FAM227B: variants seen among roughly 807,000 people sequenced by gnomAD.
FAM227B encodes the protein family with sequence similarity 227 member B, also known as protein FAM227B.
Under a neutral mutation model 73.8 loss-of-function variants are expected in FAM227B, and 88 were observed. The observed-to-expected ratio is 1.19, with a 90% CI of 1.00 to 1.42. FAM227B has a LOEUF of 1.42. Ranked by LOEUF, FAM227B falls within the 40% of genes most tolerant of loss-of-function variation. FAM227B has a pLI of 0.00. For synonymous variants in FAM227B, 210 were observed against 190.5 expected, an observed-to-expected ratio of 1.10 and a Z score of -0.84; for missense variants, 632 against 590.9, an observed-to-expected ratio of 1.07 and a Z score of -0.72.
chr15:49,474,588 T>A (rs7166049), intron 11 of FAM227B, among the ~76,000 whole-genome samples: 51,036 of 151,876 alleles, frequency 0.34, 9,545 homozygotes, highest in African/African-American at 0.49. Flanking sequence ...ATGTTGAAAA[T>A]ACTAGATAGC....
intron 2 of FAM227B, among the ~76,000 whole-genome samples, chr15:49,611,600 T>G (rs1376866016): frequency 6.6e-6 from 1 of 152,190 alleles, no homozygotes; most frequent in Non-Finnish European, 1.5e-5. Context: ...ATAGCCTCTA[T>G]AATAAATCCA....
chr15:49,548,165 G>A (rs1384632943), intron 9 of FAM227B, among the ~76,000 whole-genome samples: 1 of 151,888 alleles, frequency 6.6e-6, no homozygotes, highest in Non-Finnish European at 1.5e-5. Flanking sequence ...TGTTATACAT[G>A]GTTTTTACTA....
intron 1 of FAM227B, among the ~76,000 whole-genome samples, chr15:49,615,718 T>C (rs1451352754): frequency 6.6e-6 from 1 of 152,188 alleles, no homozygotes; most frequent in Non-Finnish European, 1.5e-5. Context: ...TTTATAGCAA[T>C]GTGAGAACGG....
intron 11 of FAM227B, among the ~76,000 whole-genome samples, chr15:49,442,915 C>T (rs9920722): frequency 0.61 from 93,146 of 151,462 alleles, 28,871 homozygotes; most frequent in East Asian, 0.76. Flanking sequence ...GAAAAAGAGA[C>T]TGGAAGTGGG....
At chr15:49,359,828 TG>T (rs980214760) in intron 13 of FAM227B, among the ~76,000 whole-genome samples, 29 of 138,604 alleles carry the variant, frequency 2.1e-4, no homozygotes, top group African/African-American at 7.9e-4. Flanking sequence ...AGCAAAGACT[TG>T]GAACCAACCC....
chr15:49,398,258 T>C (rs1596882948), intron 11 of FAM227B, among the ~76,000 whole-genome samples: 1 of 151,846 alleles, frequency 6.6e-6, no homozygotes, highest in Admixed American at 6.6e-5. Context: ...AGAAGGCCAT[T>C]ACATAATGGT....
chr15:49,401,975 C>A (rs2048188904), intron 11 of FAM227B, among the ~76,000 whole-genome samples: 1 of 150,726 alleles, frequency 6.6e-6, no homozygotes, highest in African/African-American at 2.4e-5. Context: ...ACAATGTGCA[C>A]ATGTACCCTA....
At chr15:49,414,669 T>C (rs1005301739) in intron 11 of FAM227B, among the ~76,000 whole-genome samples, 1 of 151,912 alleles carries the variant, frequency 6.6e-6, no homozygotes, top group African/African-American at 2.4e-5. Context: ...AAGAGGTGGA[T>C]TAGGAATAGA....
At chr15:49,610,419 G>GAAA (rs1567700132) in intron 3 of FAM227B, among the ~76,000 whole-genome samples, 4 of 33,962 alleles carry the variant, frequency 1.2e-4, no homozygotes, top group East Asian at 8.4e-4. Flanking sequence ...AACATTGAAA[G>GAAA]TAAAAAAAAA....
intron 2 of FAM227B, among the ~76,000 whole-genome samples, chr15:49,613,485 A>G (rs1211887649): frequency 6.6e-6 from 1 of 152,218 alleles, no homozygotes; most frequent in African/African-American, 2.4e-5. Flanking sequence ...TGGGTGACAG[A>G]GCGAGACTCT....
chr15:49,441,397 A>G (rs1328707142), intron 11 of FAM227B, among the ~76,000 whole-genome samples: 1 of 151,780 alleles, frequency 6.6e-6, no homozygotes, highest in East Asian at 1.9e-4. Context: ...AATAAAACTA[A>G]TATCAACACA....
intron 11 of FAM227B, among the ~76,000 whole-genome samples, chr15:49,473,963 T>C (rs1034086430): frequency 2.6e-5 from 4 of 152,136 alleles, no homozygotes; most frequent in African/African-American, 9.7e-5. Context: ...ACAGTTGACA[T>C]TTGCCTTTAT....
At chr15:49,380,014 G>A (rs1596711876) in intron 11 of FAM227B, among the ~76,000 whole-genome samples, 1 of 152,152 alleles carries the variant, frequency 6.6e-6, no homozygotes, top group East Asian at 1.9e-4. Flanking sequence ...GTCCAGAGGT[G>A]CCATCCAGGA....
At chr15:49,473,427 T>G (rs751323535) in intron 11 of FAM227B, among the ~76,000 whole-genome samples, 2 of 151,738 alleles carry the variant, frequency 1.3e-5, no homozygotes, top group Non-Finnish European at 2.9e-5. Flanking sequence ...TTTAAATTGA[T>G]GTATATTTGA....
At chr15:49,335,278 GA>G in intron 14 of FAM227B, 140 bp downstream of exon 14, 1 of 591,962 alleles carries the variant, frequency 1.7e-6, no homozygotes. Flanking sequence ...ACACTTACCT[GA>G]AAAGAATCTC....
At chr15:49,520,818 C>T (rs2059729123) in intron 10 of FAM227B, among the ~76,000 whole-genome samples, 1 of 152,090 alleles carries the variant, frequency 6.6e-6, no homozygotes, top group Non-Finnish European at 1.5e-5. Context: ...ACAGCCAAAC[C>T]ATATCAAACC....
chr15:49,420,104 C>A (rs2151727397), intron 11 of FAM227B, among the ~76,000 whole-genome samples: 1 of 152,270 alleles, frequency 6.6e-6, no homozygotes, highest in African/African-American at 2.4e-5. Context: ...ACTAGCACAA[C>A]CTCTGTGGAG....
chr15:49,617,953 T>A (rs1211999320), intron 1 of FAM227B, among the ~76,000 whole-genome samples: 1 of 152,216 alleles, frequency 6.6e-6, no homozygotes, highest in Non-Finnish European at 1.5e-5. Context: ...CCTGCTATCC[T>A]TTGCTCAGAG....
Position 49,365,184 on chromosome 15 carries a change from G to A in FAM227B, c.1271+2264C>T, listed in dbSNP as rs2044919347. 1.4e-5 allele frequency: 11 copies of A among 787,166 alleles called. No homozygotes were observed. In the South Asian group the frequency reaches 1.6e-4, roughly 11 times the overall value. The allele number at this position is 787,166 out of a possible 1,614,324, so 48.8% of individuals were successfully genotyped here. On this transcript the variant is annotated intron_variant, in intron 13 of 15. Coordinates refer to ENST00000299338, the MANE Select transcript of FAM227B (RefSeq NM_152647.3). Reference sequence around the variant, plus strand: ...TTTTCTTCGTTTTTTGCATAATACAGATGGTCCATCATCTGATAGCTGTTA... The same window carrying A: ...TTTTCTTCGTTTTTTGCATAATACAAATGGTCCATCATCTGATAGCTGTTA...
Sources: allele counts gnomAD v4.1 joint callset (sites outside exome capture counted in the v4.1 genomes callset), GRCh38; gene constraint gnomAD v4.1.1; transcripts MANE v1.5; gene names NCBI Gene and HGNC (gene_info 2026-07-23, HGNC 2026-07-21).